The following CLEC2A variants were observed in gnomAD, a reference collection of about 807,000 sequenced individuals.
CLEC2A encodes the protein C-type lectin domain family 2 member A.
CLEC2A carries 19 observed loss-of-function variants against 18.6 expected under a neutral mutation model. The ratio of observed to expected loss-of-function variants is 1.02; its 90% confidence interval spans 0.71 to 1.50. CLEC2A has a LOEUF of 1.50. Among genes scored for constraint, CLEC2A ranks in the 40% most tolerant of loss-of-function variants. The pLI is 0.00. For missense variants in CLEC2A, 190 were observed against 207.9 expected (o/e 0.91, Z 0.53); for synonymous variants, 74 against 64.0 (o/e 1.16, Z -0.75).
downstream of CLEC2A, among the ~76,000 whole-genome samples, chr12:9,896,263 G>A (rs184494768): frequency 9.9e-5 from 15 of 152,212 alleles, no homozygotes; most frequent in African/African-American, 3.1e-4. Flanking sequence ...GTGTATTATA[G>A]CCTGAAGTGT....
At chr12:9,896,938 C>A (rs1240327840), downstream of CLEC2A, among the ~76,000 whole-genome samples, 2 of 150,808 alleles carry the variant, frequency 1.3e-5, no homozygotes, top group African/African-American at 4.9e-5. Flanking sequence ...TGGCTCACTG[C>A]AACCTCCGCC....
chr12:9,895,917 A>T, downstream of CLEC2A: 1 of 1,322,410 alleles, frequency 7.6e-7, no homozygotes, highest in Non-Finnish European at 9.9e-7. Flanking sequence ...AAAGTTTCTA[A>T]CAGAAAGTTT....
Position 9,920,043 on chromosome 12 carries a change from G to C in CLEC2A, c.306+2023C>G, listed in dbSNP as rs527245494. On this transcript the variant is annotated intron_variant, in intron 3 of 4. Transcript: ENST00000455827. ...CAAAGCCTGAAGGCTGGATGGCTAA[G>C]TCACCCAAACAGCAAAGATGGCTGC... Among the ~76,000 whole-genome samples the C allele has an allele frequency of 2.0e-5, 3 of 152,344 alleles. No homozygotes were observed. The East Asian group carries it at 5.8e-4, about 29-fold the overall frequency.
intron 3 of CLEC2A, among the ~76,000 whole-genome samples, chr12:9,920,316 G>A (rs1429942781): frequency 1.3e-5 from 2 of 152,122 alleles, no homozygotes; most frequent in East Asian, 1.9e-4. Context: ...TGAGGCTCCC[G>A]GGTCACTGCA....
At chr12:9,889,606 T>C in the CLEC2A span, among the ~76,000 whole-genome samples, 4 of 152,026 alleles carry the variant, frequency 2.6e-5, no homozygotes, top group African/African-American at 9.7e-5. Flanking sequence ...CACAATTATA[T>C]GAGACAATAC....
At chr12:9,926,934 G>T (rs541039834) in intron 1 of CLEC2A, among the ~76,000 whole-genome samples, 10 of 152,220 alleles carry the variant, frequency 6.6e-5, no homozygotes, top group African/African-American at 2.4e-4. Flanking sequence ...AATGCTATGA[G>T]GTTAAGAACA....
At chr12:9,890,738 C>T in the CLEC2A span, among the ~76,000 whole-genome samples, 1 of 152,184 alleles carries the variant, frequency 6.6e-6, no homozygotes, top group Non-Finnish European at 1.5e-5. Context: ...ATCCCGTCAT[C>T]TTGCTGTCTA....
chr12:9,895,800 G>A (rs956975056), downstream of CLEC2A: 11 of 1,535,164 alleles, frequency 7.2e-6, no homozygotes, highest in African/African-American at 9.6e-5. Context: ...AGAGAGATGC[G>A]ATCTTGACGC....
intron 2 of CLEC2A, among the ~76,000 whole-genome samples, chr12:9,923,361 A>T (rs1226208468): frequency 6.6e-6 from 1 of 152,238 alleles, no homozygotes; most frequent in Non-Finnish European, 1.5e-5. Context: ...AGAAATGCAA[A>T]TCAAAACCAC....
the CLEC2A span, among the ~76,000 whole-genome samples, chr12:9,887,724 G>GTTT: frequency 8.2e-5 from 11 of 133,532 alleles, no homozygotes; most frequent in Non-Finnish European, 8.2e-5. Context: ...GGTCAAAAGA[G>GTTT]TTTTTTTTTT....
chr12:9,895,095 G>T (rs987474797), downstream of CLEC2A, among the ~76,000 whole-genome samples: 1 of 152,150 alleles, frequency 6.6e-6, no homozygotes, highest in Non-Finnish European at 1.5e-5. Context: ...TACTGTGGAA[G>T]TTATATGAGG....
rs1432348119 is a variant in CLEC2A at position 9,913,264 on chromosome 12, A to C, written c.*302T>G. ...TATTTGGGTCCTCCCAAAACTCATA[A>C]ATTGAAAGCTAATCACCAGTGTGAT... On this transcript the variant is annotated 3_prime_UTR_variant, in exon 5 of 5. Transcript: ENST00000455827. 15 of 315,592 alleles carry C rather than the reference A, an allele frequency of 4.8e-5. No individual in the cohort carries two copies. The highest frequency in any genetic ancestry group is 6.7e-5 in the Non-Finnish European group (13 of 193,752). 19.5% of individuals were successfully genotyped at this position (315,592 alleles called of 1,614,324 possible). A position where few individuals can be genotyped will look rare whatever the true frequency, so the allele number is the denominator to read the frequency against.
At chr12:9,896,351 C>T (rs1425336268), downstream of CLEC2A, among the ~76,000 whole-genome samples, 1 of 151,872 alleles carries the variant, frequency 6.6e-6, no homozygotes, top group African/African-American at 2.4e-5. Flanking sequence ...ACTAAAAGCT[C>T]AGACTTCTCC....
At chr12:9,883,950 A>G in the CLEC2A span, among the ~76,000 whole-genome samples, 1 of 152,206 alleles carries the variant, frequency 6.6e-6, no homozygotes, top group Admixed American at 6.5e-5. Context: ...GTTTGTTTAT[A>G]GATAAAAGAA....
At position 9,913,288 on chromosome 12, in the gene CLEC2A, A is replaced by G. The variant is rs1054758029; in HGVS notation, c.*278T>C. 2.3e-5 allele frequency: 8 copies of G among 351,672 alleles called. No homozygotes were observed. Among genetic ancestry groups the G allele is most frequent in the African/African-American group, 1.5e-4 (7 of 46,736 alleles). 21.8% of individuals were successfully genotyped at this position (351,672 alleles called of 1,614,324 possible). On this transcript the variant is annotated 3_prime_UTR_variant, in exon 5 of 5. Coordinates refer to ENST00000455827, the MANE Select transcript of CLEC2A (RefSeq NM_001130711.2). ...AAATTGAAAGCTAATCACCAGTGTG[A>G]TGGTATTAGGGGATGGAGCCATCCA...
chr12:9,901,411 G>A (rs891520588), intron 4 of CLEC2A, among the ~76,000 whole-genome samples: 8 of 152,140 alleles, frequency 5.3e-5, no homozygotes, highest in African/African-American at 1.2e-4. Context: ...GGTTATTTCC[G>A]TGGTTTACAT....
the CLEC2A span, among the ~76,000 whole-genome samples, chr12:9,882,365 CTT>C: frequency 1.3e-5 from 2 of 152,272 alleles, no homozygotes; most frequent in Middle Eastern, 3.4e-3. Context: ...CAAAATGACA[CTT>C]TTGTTATTAT....
intron 4 of CLEC2A, among the ~76,000 whole-genome samples, chr12:9,905,895 T>C (rs1591785880): frequency 1.3e-5 from 2 of 152,234 alleles, no homozygotes; most frequent in Non-Finnish European, 2.9e-5. Context: ...TGATCCACTA[T>C]TACTAATAGG....
intron 4 of CLEC2A, chr12:9,899,051 G>T: frequency 1.5e-6 from 1 of 670,282 alleles, no homozygotes; most frequent in Non-Finnish European, 2.8e-6. Context: ...GGAGGAGTAA[G>T]AATGGCTCGA....
Sources: allele counts gnomAD v4.1 joint callset (sites outside exome capture counted in the v4.1 genomes callset), GRCh38; gene constraint gnomAD v4.1.1; transcripts MANE v1.5; gene names NCBI Gene and HGNC (gene_info 2026-07-23, HGNC 2026-07-21).